INPP4B: variants seen among roughly 807,000 people sequenced by gnomAD.
INPP4B encodes the protein inositol polyphosphate 4-phosphatase type II.
A neutral mutation model predicts 122.5 loss-of-function variants in INPP4B; 55 were observed. The ratio of observed to expected loss-of-function variants is 0.45; its 90% CI spans 0.36 to 0.56. The LOEUF is 0.56. Among genes scored for constraint, INPP4B ranks in the 20% least tolerant of loss-of-function variants. The pLI, the probability that INPP4B is intolerant of heterozygous loss-of-function variation, is 0.00. For missense variants in INPP4B, 1,000 were observed against 1,097.7 expected (o/e 0.91, Z 1.26); for synonymous variants, 403 against 388.7 (o/e 1.04, Z -0.43).
intron 7 of INPP4B, among the ~76,000 whole-genome samples, chr4:142,346,705 A>G (rs1332820213): frequency 6.6e-6 from 1 of 152,068 alleles, no homozygotes; most frequent in Non-Finnish European, 1.5e-5. Flanking sequence ...AAATAGATCA[A>G]ATTAGGTAAA....
intron 2 of INPP4B, among the ~76,000 whole-genome samples, chr4:142,503,527 C>G (rs1360750003): frequency 1.3e-5 from 2 of 151,860 alleles, no homozygotes; most frequent in Admixed American, 1.3e-4. Context: ...AATATCTAAA[C>G]CAAATAAGAA....
At chr4:142,573,355 C>T (rs1419103624) in intron 2 of INPP4B, among the ~76,000 whole-genome samples, 2 of 152,012 alleles carry the variant, frequency 1.3e-5, no homozygotes, top group Admixed American at 6.6e-5. Flanking sequence ...TTTAAAAAAC[C>T]GTTCCTTCTC....
chr4:142,444,513 G>C (rs1183746776), intron 3 of INPP4B, among the ~76,000 whole-genome samples: 1 of 151,972 alleles, frequency 6.6e-6, no homozygotes, highest in African/African-American at 2.4e-5. Flanking sequence ...AACAACAGAT[G>C]CTGGAGAGGA....
chr4:142,715,435 T>C (rs1047779287), intron 2 of INPP4B, among the ~76,000 whole-genome samples: 2 of 152,028 alleles, frequency 1.3e-5, no homozygotes, highest in Admixed American at 1.3e-4. Context: ...AAAGTAGGAG[T>C]AGAATTTGTC....
chr4:142,676,082 GTATATTTA>G (rs1757721925), intron 2 of INPP4B, among the ~76,000 whole-genome samples: 2 of 152,132 alleles, frequency 1.3e-5, no homozygotes, highest in Non-Finnish European at 2.9e-5. Context: ...TGACATGATT[GTATATTTA>G]TAAAACCCCA....
chr4:142,683,240 T>C (rs754433149), intron 2 of INPP4B, among the ~76,000 whole-genome samples: 2 of 151,938 alleles, frequency 1.3e-5, no homozygotes, highest in Non-Finnish European at 2.9e-5. Context: ...AGAGGAGGAA[T>C]ACCAGTTGTT....
chr4:142,291,529 CTCTT>C (rs1268475696), intron 9 of INPP4B, among the ~76,000 whole-genome samples: 6 of 152,138 alleles, frequency 3.9e-5, no homozygotes, highest in Non-Finnish European at 8.8e-5. Context: ...GAAGAGGAAA[CTCTT>C]TCCTAGAATG....
intron 2 of INPP4B, among the ~76,000 whole-genome samples, chr4:142,637,955 AC>A (rs1749538551): frequency 6.6e-6 from 1 of 152,094 alleles, no homozygotes; most frequent in Non-Finnish European, 1.5e-5. Flanking sequence ...CATGATGTTG[AC>A]CATCTTTTTA....
intron 2 of INPP4B, among the ~76,000 whole-genome samples, chr4:142,684,807 G>A (rs1294576895): frequency 1.3e-5 from 2 of 151,750 alleles, no homozygotes; most frequent in Non-Finnish European, 2.9e-5. Flanking sequence ...ATTCTTATAC[G>A]AGAAAAAAAG....
intron 1 of INPP4B, among the ~76,000 whole-genome samples, chr4:142,764,456 TTGTTGA>T (rs1397987446): frequency 2.0e-5 from 3 of 151,942 alleles, no homozygotes; most frequent in Non-Finnish European, 1.5e-5. Context: ...ATCAAAGAAG[TTGTTGA>T]TGTTATAGAT....
intron 12 of INPP4B, among the ~76,000 whole-genome samples, chr4:142,235,711 C>T (rs2149928112): frequency 6.6e-6 from 1 of 152,328 alleles, no homozygotes; most frequent in South Asian, 2.1e-4. Flanking sequence ...AGGCGTGAGC[C>T]ACCGCGTCCA....
intron 2 of INPP4B, among the ~76,000 whole-genome samples, chr4:142,543,176 T>C (rs1333759020): frequency 2.6e-5 from 4 of 152,180 alleles, no homozygotes; most frequent in Non-Finnish European, 5.9e-5. Flanking sequence ...TTTAAATGTA[T>C]TAATCCCAAG....
intron 2 of INPP4B, among the ~76,000 whole-genome samples, chr4:142,564,190 T>G: frequency 6.6e-6 from 1 of 152,012 alleles, no homozygotes; most frequent in Admixed American, 6.6e-5. Context: ...TTCATAGTCC[T>G]TTGGGGAAAC....
At chr4:142,771,393 G>A (rs2151000284) in intron 1 of INPP4B, among the ~76,000 whole-genome samples, 1 of 152,230 alleles carries the variant, frequency 6.6e-6, no homozygotes, top group South Asian at 2.1e-4. Flanking sequence ...AGTTTCTCTG[G>A]CAAATGTATG....
chr4:142,071,794 C>T (rs1767532110), intron 25 of INPP4B, among the ~76,000 whole-genome samples: 1 of 152,202 alleles, frequency 6.6e-6, no homozygotes, highest in Non-Finnish European at 1.5e-5. Flanking sequence ...GAGATACCAT[C>T]TCACACCAGT....
chr4:142,036,597 A>G (rs1244132380), intron 25 of INPP4B, among the ~76,000 whole-genome samples: 2 of 152,210 alleles, frequency 1.3e-5, no homozygotes, highest in African/African-American at 4.8e-5. Flanking sequence ...GCCAAGGAAT[A>G]CTTAAAATTT....
intron 2 of INPP4B, among the ~76,000 whole-genome samples, chr4:142,621,664 C>G (rs1744957147): frequency 1.3e-5 from 2 of 151,770 alleles, no homozygotes; most frequent in South Asian, 4.2e-4. Flanking sequence ...TCAGTTTTCT[C>G]ACAAATAGAA....
At position 142,713,997 on chromosome 4, in the gene INPP4B, G is replaced by A. The variant is rs1490235502; in HGVS notation, c.-191+11842C>T. 2.0e-5 allele frequency among the ~76,000 whole-genome samples: 3 copies of A among 152,210 alleles called. No individual in the cohort carries two copies. The East Asian group carries it at 5.8e-4, about 29-fold the overall frequency. Reference sequence around the variant, plus strand: ...ACATGAAAACATACACTAAAATATAGAAGGCTTAATGGTCCACCAATCTGA... The same window carrying A: ...ACATGAAAACATACACTAAAATATAAAAGGCTTAATGGTCCACCAATCTGA... On this transcript the variant is annotated intron_variant, in intron 2 of 25. Transcript: ENST00000262992.
At chr4:142,427,241 G>C (rs1467308409) in intron 5 of INPP4B, 1 of 274,618 alleles carries the variant, frequency 3.6e-6, no homozygotes, top group African/African-American at 2.2e-5. Context: ...TTTGGGGACT[G>C]TGTCTTCTAG....
Sources: gnomAD v4.1 joint callset for allele counts (sites outside exome capture counted in the v4.1 genomes callset) on GRCh38, gnomAD v4.1.1 for gene constraint, MANE v1.5 for transcripts, NCBI Gene and HGNC (gene_info 2026-07-23, HGNC 2026-07-21) for gene names.